The following ANKRD11 variants were observed in gnomAD, a reference collection of about 807,000 sequenced individuals.
ANKRD11 encodes the protein ankyrin repeat domain 11, also known as ankyrin repeat domain-containing protein 11.
In ANKRD11, 17 loss-of-function variants were observed where a neutral mutation model predicts 195.7. The observed-to-expected ratio is 0.09, with a 90% CI of 0.06 to 0.13. The LOEUF is 0.13. Among genes scored for constraint, ANKRD11 ranks in the 10% least tolerant of loss-of-function variants. The pLI, the probability that ANKRD11 is intolerant of heterozygous loss-of-function variation, is 1.00. For missense variants in ANKRD11, 3,735 were observed against 3,566.1 expected (o/e 1.05, Z -1.21); for synonymous variants, 1,953 against 1,528.1 (o/e 1.28, Z -6.49).
intron 9 of ANKRD11, chr16:89,278,837 AC>A (rs1477726913): frequency 1.4e-6 from 1 of 717,682 alleles, no homozygotes; most frequent in African/African-American, 1.7e-5. Flanking sequence ...AGGTCAGGAG[AC>A]CGAGGCCTGG....
At chr16:89,325,533 A>C (rs992491023) in intron 2 of ANKRD11, among the ~76,000 whole-genome samples, 1 of 152,192 alleles carries the variant, frequency 6.6e-6, no homozygotes, top group African/African-American at 2.4e-5. Context: ...TGATACATTT[A>C]CATAAATTTC....
intron 4 of ANKRD11, among the ~76,000 whole-genome samples, chr16:89,303,336 T>C (rs1447179514): frequency 1.3e-5 from 2 of 152,180 alleles, no homozygotes. Flanking sequence ...AACACAGGGT[T>C]TCAGGCCTGG....
rs1456295814 is a variant in ANKRD11 at position 89,489,215 on chromosome 16, ACACACACACACGCG to A, written c.-145+1016_-145+1029del. On this transcript the variant is annotated intron_variant, in intron 1 of 12. Coordinates refer to ENST00000301030, the MANE Select transcript of ANKRD11 (RefSeq NM_013275.6). Reference sequence around the variant, plus strand: ...CAATGTGGCAGGGCCAACCCTACACACACACACACACGCGCGCGCGCGCGCGCGCGCACACACAT... The same window carrying A: ...CAATGTGGCAGGGCCAACCCTACACACGCGCGCGCGCGCGCGCACACACAT... 4 of 109,456 alleles carry A rather than the reference ACACACACACACGCG, an allele frequency of 3.7e-5. No homozygotes were observed. The East Asian group carries it at 9.6e-4, about 26-fold the overall frequency. 6.8% of individuals were successfully genotyped at this position (109,456 alleles called of 1,614,324 possible).
intron 1 of ANKRD11, among the ~76,000 whole-genome samples, chr16:89,469,062 T>C (rs985327855): frequency 5.3e-5 from 8 of 152,122 alleles, no homozygotes; most frequent in Admixed American, 3.3e-4. Context: ...ACATCATGGT[T>C]AATGGTGAAA....
intron 1 of ANKRD11, among the ~76,000 whole-genome samples, chr16:89,476,156 AC>A (rs931926082): frequency 6.6e-6 from 1 of 152,202 alleles, no homozygotes; most frequent in Non-Finnish European, 1.5e-5. Context: ...ATGCCTTCTC[AC>A]ATCAAAATAC....
chr16:89,375,224 C>T (rs574652087), intron 2 of ANKRD11, among the ~76,000 whole-genome samples: 25 of 152,180 alleles, frequency 1.6e-4, no homozygotes, highest in African/African-American at 5.3e-4. Flanking sequence ...CTTAAAACAC[C>T]GTGTGACACT....
At chr16:89,355,146 C>CA (rs1213832208) in intron 2 of ANKRD11, among the ~76,000 whole-genome samples, 1 of 152,200 alleles carries the variant, frequency 6.6e-6, no homozygotes, top group Non-Finnish European at 1.5e-5. Flanking sequence ...CAAGGAGCCT[C>CA]AACCCAGTTG....
At chr16:89,365,672 G>A (rs2039914608) in intron 2 of ANKRD11, among the ~76,000 whole-genome samples, 1 of 152,268 alleles carries the variant, frequency 6.6e-6, no homozygotes, top group East Asian at 1.9e-4. Flanking sequence ...AATTCTTCCT[G>A]GGCAGTGTCT....
At chr16:89,390,440 G>T (rs562763704) in intron 2 of ANKRD11, among the ~76,000 whole-genome samples, 3 of 152,264 alleles carry the variant, frequency 2.0e-5, no homozygotes, top group Non-Finnish European at 2.9e-5. Context: ...CTAACCAACG[G>T]TAAGGGGTGC....
At chr16:89,305,149 G>C in intron 4 of ANKRD11, 57 bp downstream of exon 4, 1 of 1,595,866 alleles carries the variant, frequency 6.3e-7, no homozygotes. Flanking sequence ...CGCCCTGCCT[G>C]GGCTGCTCCG....
At chr16:89,325,514 C>T (rs926298535) in intron 2 of ANKRD11, among the ~76,000 whole-genome samples, 1 of 151,240 alleles carries the variant, frequency 6.6e-6, no homozygotes, top group Non-Finnish European at 1.5e-5. Flanking sequence ...ATGTTGGGGA[C>T]AAAATACATG....
intron 1 of ANKRD11, among the ~76,000 whole-genome samples, chr16:89,465,379 G>T (rs1166089903): frequency 6.6e-6 from 1 of 152,148 alleles, no homozygotes; most frequent in Non-Finnish European, 1.5e-5. Context: ...AACTAAAAAA[G>T]AATCATGAAT....
At chr16:89,386,653 A>T (rs2040925480) in intron 2 of ANKRD11, among the ~76,000 whole-genome samples, 3 of 152,260 alleles carry the variant, frequency 2.0e-5, no homozygotes, top group Admixed American at 2.0e-4. Flanking sequence ...CTTCTCGTCC[A>T]GGAAACTTGA....
chr16:89,350,245 A>G (rs1437683994), intron 2 of ANKRD11, among the ~76,000 whole-genome samples: 1 of 152,200 alleles, frequency 6.6e-6, no homozygotes, highest in African/African-American at 2.4e-5. Context: ...CACAAAACTG[A>G]GTGGTCACTT....
intron 4 of ANKRD11, chr16:89,300,673 C>T (rs796177263): frequency 2.4e-5 from 13 of 532,240 alleles, no homozygotes; most frequent in Middle Eastern, 7.6e-4. Context: ...TCAGAACAGC[C>T]GTCTCCTATC....
intron 2 of ANKRD11, among the ~76,000 whole-genome samples, chr16:89,410,064 C>G (rs1430755121): frequency 6.6e-6 from 1 of 152,300 alleles, no homozygotes; most frequent in East Asian, 1.9e-4. Context: ...TGGTCTCGAT[C>G]TCCTGACCTC....
intron 2 of ANKRD11, among the ~76,000 whole-genome samples, chr16:89,391,088 C>T (rs964440639): frequency 2.6e-5 from 4 of 151,948 alleles, no homozygotes; most frequent in Middle Eastern, 3.2e-3. Flanking sequence ...ATTAGCCGGG[C>T]GCGGTGGTGG....
intron 2 of ANKRD11, among the ~76,000 whole-genome samples, chr16:89,384,649 G>A (rs1404393388): frequency 2.0e-5 from 3 of 152,106 alleles, no homozygotes; most frequent in Admixed American, 6.6e-5. Flanking sequence ...TGGCACTGAC[G>A]GCTTCAAAGG....
chr16:89,322,279 C>T (rs2037373400), intron 2 of ANKRD11, among the ~76,000 whole-genome samples: 1 of 152,170 alleles, frequency 6.6e-6, no homozygotes, highest in Admixed American at 6.5e-5. Flanking sequence ...CCGAAGACTC[C>T]CAGAGAGAAA....
Sources: allele counts gnomAD v4.1 joint callset (sites outside exome capture counted in the v4.1 genomes callset), GRCh38; gene constraint gnomAD v4.1.1; transcripts MANE v1.5; gene names NCBI Gene and HGNC (gene_info 2026-07-23, HGNC 2026-07-21).